Variants in FYB1 observed in about 807,000 individuals in gnomAD.
FYB1 encodes FYN binding protein 1.
FYB1 carries 41 observed loss-of-function variants against 94.1 expected under a neutral mutation model. The observed-to-expected ratio is 0.44, with a 90% CI of 0.34 to 0.57. The LOEUF (loss-of-function observed/expected upper bound fraction) is 0.57. Ranked by LOEUF, FYB1 falls within the 20% of genes least tolerant of loss-of-function variation. The probability of loss-of-function intolerance (pLI) is 0.02; values close to 1 mark genes in which losing one functional copy is unlikely to be tolerated. For synonymous variants in FYB1, 367 were observed against 353.2 expected, an observed-to-expected ratio of 1.04 and a Z score of -0.44; for missense variants, 1,050 against 976.8, an observed-to-expected ratio of 1.07 and a Z score of -1.00.
rs748874978 is a variant in FYB1 at position 39,201,988 on chromosome 5, G to GC, written c.972dup (p.Pro325AlafsTer43). 3 of 1,613,932 alleles carry GC rather than the reference G, an allele frequency of 1.9e-6. No individual in the cohort carries two copies. The highest frequency in any genetic ancestry group is 2.2e-5 in the East Asian group (1 of 44,874). ...TCCTTTTCCTGACTTTGGCCCCATGGCCCCCCCACTGTCAGCTTAGAAGGG... is the reference window on the plus strand; with the variant it reads ...TCCTTTTCCTGACTTTGGCCCCATGGCCCCCCCCACTGTCAGCTTAGAAGGG... On this transcript the variant is annotated frameshift_variant, in exon 2 of 19. Transcript: ENST00000512982. LOFTEE classifies it high-confidence loss of function.
chr5:39,183,405 CA>C (rs1174437536), intron 2 of FYB1, among the ~76,000 whole-genome samples: 1 of 152,140 alleles, frequency 6.6e-6, no homozygotes, highest in African/African-American at 2.4e-5. Flanking sequence ...GTATCTATCC[CA>C]AGGGTACTTG....
At chr5:39,126,305 T>A (rs1740664190) in intron 11 of FYB1, among the ~76,000 whole-genome samples, 170 bp from the exon 12 acceptor site, 1 of 151,456 alleles carries the variant, frequency 6.6e-6, no homozygotes, top group Non-Finnish European at 1.5e-5. Context: ...TTACAGATCA[T>A]GGTGATTGAA....
In FYB1 at chr5:39,105,463, A is replaced by G. The variant is rs1760321189; in HGVS notation, c.*1980T>C. On this transcript the variant is annotated 3_prime_UTR_variant, in exon 19 of 19. Coordinates refer to ENST00000512982, the MANE Select transcript of FYB1 (RefSeq NM_001465.6). ...AAACTCTGAAATATTCTCTTGATCT[A>G]ACTTTGACTTTTAAAAACTGACATT... 6.6e-6 allele frequency: 1 copy of G among 152,096 alleles called. No individual in the cohort carries two copies. Among genetic ancestry groups the G allele is most frequent in the Admixed American group, 6.6e-5 (1 of 15,252 alleles). 9.4% of individuals were successfully genotyped at this position (152,096 alleles called of 1,614,324 possible).
intron 1 of FYB1, among the ~76,000 whole-genome samples, chr5:39,239,035 T>C (rs1751092847): frequency 6.6e-6 from 1 of 151,962 alleles, no homozygotes; most frequent in Non-Finnish European, 1.5e-5. Flanking sequence ...TGTGATTCGC[T>C]ACACAAATAG....
At chr5:39,162,973 T>G (rs1221239970) in intron 2 of FYB1, among the ~76,000 whole-genome samples, 1 of 152,170 alleles carries the variant, frequency 6.6e-6, no homozygotes, top group Non-Finnish European at 1.5e-5. Context: ...GCTGGAAAAA[T>G]GAACATTCTC....
chr5:39,146,811 G>T (rs892623736), intron 3 of FYB1, among the ~76,000 whole-genome samples: 5 of 151,880 alleles, frequency 3.3e-5, no homozygotes, highest in Non-Finnish European at 5.9e-5. Flanking sequence ...ACTTTATATA[G>T]GCCTGAATTT....
intron 1 of FYB1, among the ~76,000 whole-genome samples, chr5:39,269,211 A>G (rs532436326): frequency 2.0e-4 from 30 of 151,962 alleles, no homozygotes; most frequent in Non-Finnish European, 3.2e-4. Flanking sequence ...CACGATGCCC[A>G]GCTAATTTTT....
intron 2 of FYB1, among the ~76,000 whole-genome samples, chr5:39,198,336 T>C (rs1454604816): frequency 1.3e-5 from 2 of 152,186 alleles, no homozygotes; most frequent in African/African-American, 2.4e-5. Flanking sequence ...CTCTGTACCA[T>C]TAATAACATT....
At chr5:39,133,644 G>A (rs1171834298) in intron 9 of FYB1, among the ~76,000 whole-genome samples, 2 of 152,062 alleles carry the variant, frequency 1.3e-5, no homozygotes, top group African/African-American at 4.8e-5. Context: ...TACCAGGAAG[G>A]TGTTCCCATA....
chr5:39,113,939 C>A (rs192577620), intron 16 of FYB1, among the ~76,000 whole-genome samples: 1 of 151,956 alleles, frequency 6.6e-6, no homozygotes, highest in Non-Finnish European at 1.5e-5. Flanking sequence ...CCCCTCTTCT[C>A]TGTTTATATT....
chr5:39,110,271 T>G (rs540922672), intron 17 of FYB1, 85 bp downstream of exon 17: 2 of 751,554 alleles, frequency 2.7e-6, no homozygotes, highest in South Asian at 4.1e-5. Context: ...GTAGGTTACA[T>G]TATTTAAGTA....
At chr5:39,156,365 G>T (rs1440224723) in intron 2 of FYB1, among the ~76,000 whole-genome samples, 1 of 152,300 alleles carries the variant, frequency 6.6e-6, no homozygotes, top group Non-Finnish European at 1.5e-5. Context: ...CTAGAAGGGG[G>T]TCCTCCTTGA....
At chr5:39,262,750 G>A (rs2111654161) in intron 1 of FYB1, among the ~76,000 whole-genome samples, 1 of 152,182 alleles carries the variant, frequency 6.6e-6, no homozygotes, top group African/African-American at 2.4e-5. Flanking sequence ...TGTGTCCAAA[G>A]GGATATTCTT....
intron 9 of FYB1, among the ~76,000 whole-genome samples, chr5:39,133,043 C>T (rs10073506): frequency 9.9e-5 from 15 of 152,144 alleles, no homozygotes; most frequent in Admixed American, 2.0e-4. Context: ...AAGGCATAGC[C>T]GGCTGTAATT....
rs746100047 is a variant in FYB1 at position 39,127,753 on chromosome 5, T to A, written c.1895A>T (p.Asp632Val). 6.2e-7 allele frequency: 1 copy of A among 1,603,174 alleles called. No individual in the cohort carries two copies. Among genetic ancestry groups the A allele is most frequent in the African/African-American group, 1.3e-5 (1 of 74,522 alleles). ...DDIYDGIEEEDADDGSTLQVQ... is the reference protein window; with the variant it reads ...DDIYDGIEEEVADDGSTLQVQ... ...TGATTATTCTTACCCATCATCAGCA[T>A]CTTCCTCTTCAATCCCATCATAAAT... is the stretch of plus-strand genomic sequence containing the variant. The change falls in exon 11 of 19, where the codon GAT becomes GTT. Residue 632 changes from aspartate (D) to valine (V), a missense_variant. Transcript: ENST00000512982.
chr5:39,178,375 G>C (rs113369397), intron 2 of FYB1, among the ~76,000 whole-genome samples: 6 of 152,184 alleles, frequency 3.9e-5, no homozygotes, highest in Non-Finnish European at 8.8e-5. Context: ...AGTGTGTACT[G>C]TATGCCCTAC....
At chr5:39,196,716 C>T (rs1409240379) in intron 2 of FYB1, among the ~76,000 whole-genome samples, 1 of 152,132 alleles carries the variant, frequency 6.6e-6, no homozygotes, top group African/African-American at 2.4e-5. Context: ...ATGCTTGATT[C>T]ATTGTCTTGT....
chr5:39,217,611 A>T (rs1749968897), intron 1 of FYB1, among the ~76,000 whole-genome samples: 1 of 152,148 alleles, frequency 6.6e-6, no homozygotes, highest in African/African-American at 2.4e-5. Flanking sequence ...AAAGAAACTG[A>T]GTCATGGAAC....
At chr5:39,259,515 TAACC>T (rs1752126942) in intron 1 of FYB1, among the ~76,000 whole-genome samples, 1 of 152,266 alleles carries the variant, frequency 6.6e-6, no homozygotes, top group East Asian at 1.9e-4. Context: ...GAAAGAAAAC[TAACC>T]AACCGATCAA....
Sources: gnomAD v4.1 joint callset for allele counts (sites outside exome capture counted in the v4.1 genomes callset) on GRCh38, gnomAD v4.1.1 for gene constraint, MANE v1.5 for transcripts, NCBI Gene and HGNC (gene_info 2026-07-23, HGNC 2026-07-21) for gene names.